Variants in CDKL3 observed in about 807,000 individuals in gnomAD.
CDKL3 encodes cyclin-dependent kinase-like 3.
Under a neutral mutation model 69.3 loss-of-function variants are expected in CDKL3, and 65 were observed. The ratio of observed to expected loss-of-function variants is 0.94; its 90% CI spans 0.77 to 1.15. CDKL3 has a LOEUF of 1.15. Among genes scored for constraint, CDKL3 ranks in the 50% most tolerant of loss-of-function variants. CDKL3 has a pLI of 0.00. For synonymous variants in CDKL3, 202 were observed against 221.6 expected (o/e 0.91, Z 0.79); for missense variants, 652 against 689.2 (o/e 0.95, Z 0.61).
intron 7 of CDKL3, among the ~76,000 whole-genome samples, chr5:134,310,877 C>T (rs140774923): frequency 1.1e-3 from 163 of 152,312 alleles, no homozygotes; most frequent in East Asian, 3.7e-3. Context: ...GGATTCTCTT[C>T]GCTTTTTTCT....
chr5:134,359,867 C>T, intron 3 of CDKL3, 30 bp downstream of exon 3: 3 of 1,427,062 alleles, frequency 2.1e-6, no homozygotes, highest in Non-Finnish European at 2.9e-6. Context: ...CATATTCATC[C>T]TACAAATTGG....
At chr5:134,342,467 G>C (rs1368360599) in intron 4 of CDKL3, among the ~76,000 whole-genome samples, 1 of 152,076 alleles carries the variant, frequency 6.6e-6, no homozygotes. Flanking sequence ...AGACGTAGTG[G>C]CGGACGCTTG....
chr5:134,367,850 G>A (rs1050967682), upstream of CDKL3, among the ~76,000 whole-genome samples: 1 of 152,210 alleles, frequency 6.6e-6, no homozygotes, highest in Admixed American at 6.5e-5. Context: ...CAAGAGCACG[G>A]AAATAAAGAG....
Position 134,346,738 on chromosome 5 carries a change from C to G in CDKL3, c.539+3511G>C, listed in dbSNP as rs192506676. On this transcript the variant is annotated intron_variant, in intron 4 of 12. Coordinates refer to ENST00000265334, the MANE Select transcript of CDKL3 (RefSeq NM_001113575.2). ...CTTGAACTGCTGACCTCAGGTGATCCGCCCACCTCGGCCTCCCAAAGTGCT... is the reference window on the plus strand; with the variant it reads ...CTTGAACTGCTGACCTCAGGTGATCGGCCCACCTCGGCCTCCCAAAGTGCT... Among the ~76,000 whole-genome samples, 3 of 152,122 alleles carry G rather than the reference C, an allele frequency of 2.0e-5. No individual in the cohort carries two copies. The East Asian group carries it at 5.8e-4, about 29-fold the overall frequency.
At chr5:134,351,925 A>C (rs1349147936) in intron 3 of CDKL3, among the ~76,000 whole-genome samples, 1 of 152,180 alleles carries the variant, frequency 6.6e-6, no homozygotes, top group African/African-American at 2.4e-5. Flanking sequence ...TTCTACTCTC[A>C]GCAATTTTCA....
chr5:134,371,398 A>T, upstream of CDKL3: 1 of 719,610 alleles, frequency 1.4e-6, no homozygotes, highest in Non-Finnish European at 2.3e-6. Flanking sequence ...CAGCACTCAC[A>T]CTGTGGTAGC....
chr5:134,299,595 T>C, intron 12 of CDKL3: 2 of 1,378,048 alleles, frequency 1.5e-6, no homozygotes, highest in Non-Finnish European at 1.9e-6. Flanking sequence ...ACCTGTAAAA[T>C]TATCTAGTTA....
intron 9 of CDKL3, chr5:134,307,871 TA>T (rs1300304348): frequency 2.3e-5 from 9 of 387,920 alleles, no homozygotes; most frequent in African/African-American, 1.7e-4. Flanking sequence ...TCTTCAAAAA[TA>T]AAAACATTTT....
upstream of CDKL3, among the ~76,000 whole-genome samples, chr5:134,370,319 C>A (rs553821579): frequency 2.6e-5 from 4 of 152,316 alleles, no homozygotes; most frequent in South Asian, 6.2e-4. Flanking sequence ...TATTCAAGGT[C>A]TTTGGGAGGT....
Position 134,350,347 on chromosome 5 carries a change from T to C in CDKL3, c.441A>G (p.Ala147=). The change falls in exon 4 of 13, where the codon GCA becomes GCG. Residue 147 remains alanine (A), a synonymous_variant. Coordinates refer to ENST00000265334, the MANE Select transcript of CDKL3 (RefSeq NM_001113575.2). ...TGTCCCCAGGAGCTGCTAGTGTTCG[T>C]GCAAAACCAAAATCACAGAGCTTAG... The part of the protein sequence containing the change: ...GITKLCDFGF[A]RTLAAPGDIY... The C allele has an allele frequency of 1.9e-6, 3 of 1,589,936 alleles. No homozygotes were observed. The highest frequency in any genetic ancestry group is 1.1e-5 in the South Asian group (1 of 87,242).
chr5:134,330,185 T>C (rs1278244036), intron 4 of CDKL3, among the ~76,000 whole-genome samples: 4 of 152,168 alleles, frequency 2.6e-5, no homozygotes, highest in Admixed American at 6.6e-5. Context: ...GTCAATGTAG[T>C]CCTTTTTACA....
intron 3 of CDKL3, among the ~76,000 whole-genome samples, chr5:134,352,770 G>C (rs192578214): frequency 2.0e-5 from 3 of 152,024 alleles, no homozygotes; most frequent in Admixed American, 2.0e-4. Flanking sequence ...TTTTAATCAG[G>C]TTATTTGTTT....
intron 8 of CDKL3, among the ~76,000 whole-genome samples, chr5:134,290,345 C>T (rs916132024): frequency 5.9e-5 from 7 of 118,868 alleles, no homozygotes; most frequent in Non-Finnish European, 3.3e-5. Context: ...CAGAGTGAGA[C>T]TCTGTCTCAA....
intron 2 of CDKL3, among the ~76,000 whole-genome samples, chr5:134,361,075 T>C (rs1755885026): frequency 6.6e-6 from 1 of 152,192 alleles, no homozygotes. Flanking sequence ...CTAAAATAAT[T>C]TTAAAATGTA....
chr5:134,306,040 A>C (rs2149435312), intron 10 of CDKL3, among the ~76,000 whole-genome samples: 1 of 152,322 alleles, frequency 6.6e-6, no homozygotes, highest in South Asian at 2.1e-4. Context: ...ATCTTAACTT[A>C]CTCTGCCTAA....
At chr5:134,367,272 G>T, upstream of CDKL3, 5 of 985,224 alleles carry the variant, frequency 5.1e-6, no homozygotes, top group Non-Finnish European at 6.0e-6. Context: ...GTGGAAGAGT[G>T]CTGTGCTTGG....
downstream of CDKL3, among the ~76,000 whole-genome samples, chr5:134,294,411 G>A (rs999176751): frequency 1.3e-5 from 2 of 152,056 alleles, no homozygotes; most frequent in Middle Eastern, 6.4e-3. Flanking sequence ...ATACTTAGTG[G>A]AATAAAAATG....
intron 4 of CDKL3, among the ~76,000 whole-genome samples, chr5:134,344,658 T>C (rs1224050544): frequency 6.6e-6 from 1 of 152,158 alleles, no homozygotes; most frequent in African/African-American, 2.4e-5. Flanking sequence ...GCGTGGTGGC[T>C]CACACCTATC....
chr5:134,358,266 C>T (rs1755099591), intron 3 of CDKL3, among the ~76,000 whole-genome samples: 1 of 152,134 alleles, frequency 6.6e-6, no homozygotes, highest in Non-Finnish European at 1.5e-5. Context: ...CTGAAGTCCC[C>T]TGCTCCGGTC....
Sources: allele counts gnomAD v4.1 joint callset (sites outside exome capture counted in the v4.1 genomes callset), GRCh38; gene constraint gnomAD v4.1.1; transcripts MANE v1.5; gene names NCBI Gene and HGNC (gene_info 2026-07-23, HGNC 2026-07-21).